Variants in PIWIL2 observed in about 807,000 individuals in gnomAD.
PIWIL2 encodes piwi-like protein 2.
PIWIL2 carries 81 observed loss-of-function variants against 116.5 expected under a neutral mutation model. The observed-to-expected ratio is 0.70, with a 90% CI of 0.58 to 0.84. The LOEUF is 0.84. PIWIL2 is among the 40% of genes least tolerant of loss of function. The probability of loss-of-function intolerance (pLI) is 0.00; values close to 1 mark genes in which losing one functional copy is unlikely to be tolerated. For missense variants in PIWIL2, 1,272 were observed against 1,212.3 expected, an observed-to-expected ratio of 1.05 and a Z score of -0.73; for synonymous variants, 489 against 429.5, an observed-to-expected ratio of 1.14 and a Z score of -1.71.
At chr8:22,325,263 GT>G (rs1831695843) in intron 20 of PIWIL2, among the ~76,000 whole-genome samples, 1 of 152,164 alleles carries the variant, frequency 6.6e-6, no homozygotes, top group Non-Finnish European at 1.5e-5. Flanking sequence ...TAGTGGAGAT[GT>G]TTGCTAGGCT....
chr8:22,330,741 T>TAAAAAAA (rs1040354282), intron 20 of PIWIL2, among the ~76,000 whole-genome samples: 1 of 140,614 alleles, frequency 7.1e-6, no homozygotes, highest in African/African-American at 2.7e-5. Context: ...AATAAATAAA[T>TAAAAAAA]AAAAATAGTT....
chr8:22,355,667 T>G lies in PIWIL2; in HGVS notation c.*162T>G. On this transcript the variant is annotated 3_prime_UTR_variant, in exon 23 of 23. Transcript: ENST00000356766. ...TCTTTCTTGTCTTTTAAACCTAATA[T>G]CACCAAGAAGCAAGTTTCTGAGTAA... 1 of 675,140 alleles carries G rather than the reference T, an allele frequency of 1.5e-6. No homozygotes were observed. The highest frequency in any genetic ancestry group is 2.5e-6 in the Non-Finnish European group (1 of 407,970). 41.8% of individuals were successfully genotyped at this position (675,140 alleles called of 1,614,324 possible). A position where few individuals can be genotyped will look rare whatever the true frequency, so the allele number is the denominator to read the frequency against.
rs142836434 is a variant in PIWIL2 at position 22,326,535 on chromosome 8, A to G, written c.2403+8260A>G. Among the ~76,000 whole-genome samples the G allele has an allele frequency of 4.3e-3, 654 of 152,136 alleles. 5 individuals carry two copies. The highest frequency in any genetic ancestry group is 0.015 in the African/African-American group (632 of 41,490). ...CTTCTCCTAATTTCTGGTAACATCTAATTTGCTTTTTGTCTCTACTGATTT... is the reference window on the plus strand; with the variant it reads ...CTTCTCCTAATTTCTGGTAACATCTGATTTGCTTTTTGTCTCTACTGATTT... On this transcript the variant is annotated intron_variant, in intron 20 of 22. Transcript: ENST00000356766.
At chr8:22,323,168 G>GTTTT (rs1831643745) in intron 20 of PIWIL2, among the ~76,000 whole-genome samples, 1 of 54,176 alleles carries the variant, frequency 1.8e-5, no homozygotes, top group African/African-American at 7.1e-5. Context: ...TTTTTTTTGA[G>GTTTT]ACAGAGTCTT....
intron 18 of PIWIL2, among the ~76,000 whole-genome samples, chr8:22,315,357 C>T (rs1159110867): frequency 6.6e-6 from 1 of 152,146 alleles, no homozygotes; most frequent in Admixed American, 6.6e-5. Context: ...GTTCTTGTCG[C>T]CCAGGTTGGA....
At chr8:22,297,926 T>A (rs555504328) in intron 10 of PIWIL2, among the ~76,000 whole-genome samples, 1 of 152,118 alleles carries the variant, frequency 6.6e-6, no homozygotes, top group Non-Finnish European at 1.5e-5. Flanking sequence ...AAATGCCTTA[T>A]ATGTATAGAC....
intron 16 of PIWIL2, among the ~76,000 whole-genome samples, chr8:22,311,616 G>A (rs375925536): frequency 1.2e-3 from 177 of 152,314 alleles, no homozygotes; most frequent in African/African-American, 4.0e-3. Flanking sequence ...TGGGTTAGGT[G>A]CCGTCTTGCA....
At chr8:22,280,812 GGAAAAATTAACTCTGTT>G (rs911384975) in intron 2 of PIWIL2, among the ~76,000 whole-genome samples, 2 of 139,170 alleles carry the variant, frequency 1.4e-5, no homozygotes, top group Admixed American at 1.5e-4. Context: ...AAATCAAAAT[GGAAAAATTAACTCTGTT>G]CTGTTGCATT....
At chr8:22,297,028 A>G (rs1358692985) in intron 10 of PIWIL2, among the ~76,000 whole-genome samples, 4 of 150,910 alleles carry the variant, frequency 2.7e-5, no homozygotes, top group Non-Finnish European at 5.9e-5. Flanking sequence ...TCACTTGGTT[A>G]CCCCAGTTGG....
intron 7 of PIWIL2, among the ~76,000 whole-genome samples, chr8:22,288,191 A>G (rs1030143493): frequency 5.9e-5 from 9 of 151,382 alleles, no homozygotes; most frequent in African/African-American, 2.2e-4. Flanking sequence ...CCAGCTACTC[A>G]GGAGGCTGAG....
At chr8:22,281,538 G>GT in intron 4 of PIWIL2, 23 bp downstream of exon 4, 1 of 1,540,928 alleles carries the variant, frequency 6.5e-7, no homozygotes, top group South Asian at 1.3e-5. Context: ...ACCCTCTCAG[G>GT]TAACTATCAA....
chr8:22,353,584 G>A (rs943281138), intron 21 of PIWIL2, among the ~76,000 whole-genome samples: 5 of 152,032 alleles, frequency 3.3e-5, no homozygotes, highest in African/African-American at 1.2e-4. Flanking sequence ...GGAGGCGGAG[G>A]TTGCAGTAAG....
chr8:22,338,545 A>ATGTT (rs1363583058), intron 20 of PIWIL2, among the ~76,000 whole-genome samples: 2 of 152,118 alleles, frequency 1.3e-5, no homozygotes, highest in Non-Finnish European at 2.9e-5. Flanking sequence ...GCAAAAGAAC[A>ATGTT]GCTGGGTGTG....
chr8:22,354,528 G>C (rs1281145124), intron 22 of PIWIL2, 150 bp downstream of exon 22: 4 of 520,382 alleles, frequency 7.7e-6, no homozygotes, highest in Non-Finnish European at 1.4e-5. Flanking sequence ...GGAGAGATTG[G>C]AAATCCTGGT....
At chr8:22,336,092 T>C (rs974415284) in intron 20 of PIWIL2, among the ~76,000 whole-genome samples, 1 of 152,170 alleles carries the variant, frequency 6.6e-6, no homozygotes, top group Admixed American at 6.6e-5. Flanking sequence ...ATATAATAAT[T>C]AGATGTAAGA....
chr8:22,337,671 A>C (rs931266354), intron 20 of PIWIL2, among the ~76,000 whole-genome samples: 5 of 151,940 alleles, frequency 3.3e-5, no homozygotes, highest in African/African-American at 9.7e-5. Context: ...CGGAGGTTGC[A>C]GTAAGCTGAG....
At chr8:22,294,698 A>G (rs1202710959) in intron 10 of PIWIL2, among the ~76,000 whole-genome samples, 3 of 150,258 alleles carry the variant, frequency 2.0e-5, no homozygotes, top group Non-Finnish European at 4.4e-5. Context: ...TTTGATGGTC[A>G]TTGACTAGGG....
chr8:22,311,377 T>A, intron 16 of PIWIL2, 77 bp downstream of exon 16: 1 of 1,175,878 alleles, frequency 8.5e-7, no homozygotes, highest in Non-Finnish European at 1.2e-6. Flanking sequence ...TGTATCATGG[T>A]TATCAGTCTG....
chr8:22,301,102 C>T (rs2132024177), intron 10 of PIWIL2, among the ~76,000 whole-genome samples: 1 of 152,086 alleles, frequency 6.6e-6, no homozygotes, highest in South Asian at 2.1e-4. Context: ...ACCTCACCCT[C>T]CTGAGTAGCT....
Sources: allele counts gnomAD v4.1 joint callset (sites outside exome capture counted in the v4.1 genomes callset), GRCh38; gene constraint gnomAD v4.1.1; transcripts MANE v1.5; gene names NCBI Gene and HGNC (gene_info 2026-07-23, HGNC 2026-07-21).